The following RSPH14 variants were observed in gnomAD, a reference collection of about 807,000 sequenced individuals.
RSPH14 encodes rhabdoid tumor deletion region gene 1.
Under a neutral mutation model 26.7 loss-of-function variants are expected in RSPH14, and 20 were observed. The ratio of observed to expected loss-of-function variants is 0.75; its 90% confidence interval spans 0.53 to 1.09. The LOEUF is 1.09. Ranked by LOEUF, RSPH14 falls within the 50% of genes least tolerant of loss-of-function variation. RSPH14 has a pLI of 0.00. For synonymous variants in RSPH14, 177 were observed against 189.3 expected (o/e 0.93, Z 0.53); for missense variants, 449 against 457.2 (o/e 0.98, Z 0.16).
chr22:23,087,533 A>G (rs2068852405), intron 4 of RSPH14, among the ~76,000 whole-genome samples: 1 of 152,218 alleles, frequency 6.6e-6, no homozygotes, highest in Admixed American at 6.5e-5. Flanking sequence ...CTTCAAGACG[A>G]GAATTGCAAT....
chr22:23,096,934 A>G (rs535323843), intron 4 of RSPH14, among the ~76,000 whole-genome samples: 39 of 152,336 alleles, frequency 2.6e-4, no homozygotes, highest in African/African-American at 7.9e-4. Context: ...ACCTGGACCC[A>G]GTGTGAAGCG....
upstream of RSPH14, chr22:23,145,674 G>T: frequency 8.6e-7 from 1 of 1,169,270 alleles, no homozygotes; most frequent in Non-Finnish European, 1.2e-6. Context: ...TAACTTGAAA[G>T]CGGCCTGCGG....
intron 4 of RSPH14, among the ~76,000 whole-genome samples, chr22:23,094,410 G>A (rs184669691): frequency 4.6e-5 from 7 of 152,272 alleles, no homozygotes; most frequent in African/African-American, 9.6e-5. Flanking sequence ...GCCCTGACTC[G>A]CGGGGTTGGT....
intron 2 of RSPH14, 70 bp from the exon 3 acceptor site, chr22:23,139,012 A>C: frequency 7.8e-7 from 1 of 1,287,754 alleles, no homozygotes; most frequent in East Asian, 2.5e-5. Flanking sequence ...CAACCAACCC[A>C]GAAGTCAATA....
intron 4 of RSPH14, among the ~76,000 whole-genome samples, chr22:23,089,206 C>A (rs1277886393): frequency 6.6e-6 from 1 of 152,214 alleles, no homozygotes; most frequent in East Asian, 1.9e-4. Flanking sequence ...AGTCTTCCCG[C>A]CCCTGGCTTA....
chr22:23,060,654 G>A (rs1488956304), intron 6 of RSPH14, among the ~76,000 whole-genome samples: 4 of 152,084 alleles, frequency 2.6e-5, no homozygotes, highest in South Asian at 2.1e-4. Flanking sequence ...TTTGCTGGTG[G>A]AACCTCTCAG....
At chr22:23,138,975 C>G (rs993305210) in intron 2 of RSPH14, 33 bp from the exon 3 acceptor site, 1 of 1,515,110 alleles carries the variant, frequency 6.6e-7, no homozygotes, top group Non-Finnish European at 8.8e-7. Flanking sequence ...ACAAACCAAC[C>G]CTTGAATTTT....
the RSPH14 span, chr22:23,161,888 G>C: frequency 2.8e-6 from 1 of 354,860 alleles, no homozygotes; most frequent in Non-Finnish European, 5.3e-6. Flanking sequence ...AGAGGCCTCA[G>C]AACTGCAAAC....
At chr22:23,166,361 G>T in the RSPH14 span, among the ~76,000 whole-genome samples, 1 of 147,504 alleles carries the variant, frequency 6.8e-6, no homozygotes, top group South Asian at 2.2e-4. Flanking sequence ...GGCCAATATG[G>T]GGGGGTGGGG....
At chr22:23,061,702 A>G (rs1222011525) in intron 6 of RSPH14, 107 bp downstream of exon 6, 6 of 1,324,966 alleles carry the variant, frequency 4.5e-6, no homozygotes, top group Non-Finnish European at 6.1e-6. Flanking sequence ...TTTTTTTTGC[A>G]AAGTGTGGAG....
chr22:23,091,465 C>G (rs565708162), intron 4 of RSPH14, among the ~76,000 whole-genome samples: 122 of 151,900 alleles, frequency 8.0e-4, no homozygotes, highest in African/African-American at 2.4e-3. Flanking sequence ...TGCATACACA[C>G]ACACACCGCA....
At chr22:23,167,229 G>A in the RSPH14 span, among the ~76,000 whole-genome samples, 3 of 152,106 alleles carry the variant, frequency 2.0e-5, no homozygotes, top group East Asian at 1.9e-4. Context: ...ACCCAGGGTC[G>A]AACCCCAAAA....
At chr22:23,126,414 A>G (rs764530374) in intron 4 of RSPH14, among the ~76,000 whole-genome samples, 18 of 152,088 alleles carry the variant, frequency 1.2e-4, no homozygotes, top group South Asian at 2.1e-4. Context: ...CTTGCCCCCA[A>G]TGATCCCTTT....
intron 4 of RSPH14, among the ~76,000 whole-genome samples, chr22:23,128,533 G>A (rs936291199): frequency 2.0e-5 from 3 of 152,224 alleles, no homozygotes; most frequent in African/African-American, 7.2e-5. Context: ...GCGTGTGGGT[G>A]AGCGCAGCAG....
the RSPH14 span, among the ~76,000 whole-genome samples, chr22:23,166,967 C>T: frequency 6.6e-6 from 1 of 152,094 alleles, no homozygotes; most frequent in African/African-American, 2.4e-5. Flanking sequence ...TCTGGAAGCT[C>T]GTTTAACCAC....
At chr22:23,155,292 C>T in the RSPH14 span, among the ~76,000 whole-genome samples, 1 of 152,170 alleles carries the variant, frequency 6.6e-6, no homozygotes, top group African/African-American at 2.4e-5. Context: ...TGTTCTAAGC[C>T]AGGGCAGGTA....
chr22:23,066,573 G>A (rs1047867650), intron 4 of RSPH14, among the ~76,000 whole-genome samples: 3 of 152,120 alleles, frequency 2.0e-5, no homozygotes, highest in Admixed American at 6.5e-5. Context: ...AACGCGTGCC[G>A]GGTGTGCCTT....
chr22:23,118,528 G>C (rs949785442), intron 4 of RSPH14, among the ~76,000 whole-genome samples: 6 of 152,150 alleles, frequency 3.9e-5, no homozygotes, highest in Non-Finnish European at 8.8e-5. Flanking sequence ...GGCAAGGAGG[G>C]CTTCTTGCCA....
the RSPH14 span, chr22:23,153,493 G>T: frequency 1.1e-6 from 1 of 903,956 alleles, no homozygotes; most frequent in Non-Finnish European, 1.3e-6. Context: ...CCTCCCGCAG[G>T]TTGCTGCTGA....
Sources: allele counts gnomAD v4.1 joint callset (sites outside exome capture counted in the v4.1 genomes callset), GRCh38; gene constraint gnomAD v4.1.1; transcripts MANE v1.5; gene names NCBI Gene and HGNC (gene_info 2026-07-23, HGNC 2026-07-21).